Variants in ATCAY observed in about 807,000 individuals in gnomAD.
ATCAY encodes the protein caytaxin.
In ATCAY, 22 loss-of-function variants were observed where a neutral mutation model predicts 47.7. The ratio of observed to expected loss-of-function variants is 0.46; its 90% CI spans 0.33 to 0.66. The LOEUF (loss-of-function observed/expected upper bound fraction) is 0.66. Among genes scored for constraint, ATCAY ranks in the 30% least tolerant of loss-of-function variants. The probability of loss-of-function intolerance (pLI) is 0.02; values close to 1 mark genes in which losing one functional copy is unlikely to be tolerated. For synonymous variants in ATCAY, 216 were observed against 207.6 expected, an observed-to-expected ratio of 1.04 and a Z score of -0.35; for missense variants, 452 against 515.0, an observed-to-expected ratio of 0.88 and a Z score of 1.18.
chr19:3,922,062 T>G, intron 12 of ATCAY: 1 of 675,150 alleles, frequency 1.5e-6, no homozygotes, highest in Non-Finnish European at 2.7e-6. Context: ...CACAAAGTGC[T>G]GCCAACTAGA....
intron 12 of ATCAY, among the ~76,000 whole-genome samples, chr19:3,921,968 C>T (rs141330543): frequency 5.3e-5 from 8 of 152,100 alleles, no homozygotes; most frequent in African/African-American, 1.7e-4. Flanking sequence ...CAGGAGAGAT[C>T]GGGTGGAAGC....
chr19:3,885,046 T>C (rs1026951481), intron 1 of ATCAY, among the ~76,000 whole-genome samples: 9 of 142,208 alleles, frequency 6.3e-5, no homozygotes, highest in Admixed American at 3.1e-4. Context: ...AAGGCTGCCA[T>C]GAGCCATGAT....
At chr19:3,913,914 G>A in intron 9 of ATCAY, 58 bp downstream of exon 9, 1 of 1,487,894 alleles carries the variant, frequency 6.7e-7, no homozygotes. Flanking sequence ...TGCTGATAAA[G>A]ACACACCTGA....
Position 3,926,824 on chromosome 19 carries a change from G to A in ATCAY, c.*2232G>A, listed in dbSNP as rs958511472. Reference sequence around the variant, plus strand: ...CTGGGACATTTAGGGACATGGTAGGGTTTTAACATTTGTTTCCCAAATGTC... The same window carrying A: ...CTGGGACATTTAGGGACATGGTAGGATTTTAACATTTGTTTCCCAAATGTC... On this transcript the variant is annotated 3_prime_UTR_variant, in exon 13 of 13. Transcript: ENST00000450849. 6.6e-6 allele frequency: 1 copy of A among 152,192 alleles called. No individual in the cohort carries two copies. Among genetic ancestry groups the A allele is most frequent in the Non-Finnish European group, 1.5e-5 (1 of 68,034 alleles). The allele number at this position is 152,192 out of a possible 1,614,324, so 9.4% of individuals were successfully genotyped here.
intron 3 of ATCAY, 89 bp from the exon 4 acceptor site, chr19:3,905,345 G>A: frequency 7.5e-7 from 1 of 1,328,718 alleles, no homozygotes; most frequent in Non-Finnish European, 1.0e-6. Context: ...ATTCCTGCAT[G>A]ATGAAACAGC....
chr19:3,892,865 G>A (rs893618039), intron 2 of ATCAY, among the ~76,000 whole-genome samples: 1 of 151,974 alleles, frequency 6.6e-6, no homozygotes, highest in African/African-American at 2.4e-5. Context: ...CCCAGATTGT[G>A]CCGCCACACT....
intron 2 of ATCAY, among the ~76,000 whole-genome samples, chr19:3,900,829 C>T (rs755119503): frequency 9.2e-5 from 14 of 151,666 alleles, no homozygotes; most frequent in Non-Finnish European, 1.9e-4. Context: ...AGCTGCTGCG[C>T]CTGGCCCATC....
At chr19:3,909,453 G>T in intron 6 of ATCAY, 33 bp from the exon 7 acceptor site, 1 of 1,606,800 alleles carries the variant, frequency 6.2e-7, no homozygotes, top group Non-Finnish European at 8.5e-7. Context: ...ACCCCTCCAT[G>T]TTGGGTCCCT....
chr19:3,917,623 AG>A, intron 9 of ATCAY, 118 bp from the exon 10 acceptor site: 1 of 969,132 alleles, frequency 1.0e-6, no homozygotes. Flanking sequence ...AAGAAGAAGA[AG>A]AAGAAAAGAA....
intron 9 of ATCAY, 121 bp from the exon 10 acceptor site, chr19:3,917,620 AG>A: frequency 1.1e-6 from 1 of 903,430 alleles, no homozygotes; most frequent in Non-Finnish European, 1.7e-6. Flanking sequence ...AGGAAGAAGA[AG>A]AAGAAGAAAA....
chr19:3,900,551 T>C, intron 2 of ATCAY, among the ~76,000 whole-genome samples: 1 of 151,986 alleles, frequency 6.6e-6, no homozygotes, highest in East Asian at 1.9e-4. Context: ...TGTTTGTTTG[T>C]TTTGAGATGG....
chr19:3,918,740 C>G (rs555211420), intron 10 of ATCAY, 66 bp from the exon 11 acceptor site: 1 of 1,575,598 alleles, frequency 6.3e-7, no homozygotes, highest in East Asian at 2.2e-5. Context: ...CCAGTACTAG[C>G]TGAGAGCCCA....
In ATCAY at chr19:3,905,456, C is replaced by A; in HGVS notation, c.159C>A (p.Phe53Leu). ...CAGCTCCTCCCAACACGCTAAATTT[C>A]AACGGAGCGCATCGTAAGAGGAAGA... ...DTSSPPNTLN[F>L]NGAHRKRKTL... is the part of the protein sequence containing the mutation. Residue 53 changes from phenylalanine to leucine, a missense_variant, in exon 4 of 13, where the codon TTC becomes TTA. Transcript: ENST00000450849. The A allele has an allele frequency of 6.2e-7, 1 of 1,611,912 alleles. No homozygotes were observed. Among genetic ancestry groups the A allele is most frequent in the Non-Finnish European group, 8.5e-7 (1 of 1,178,838 alleles).
chr19:3,915,174 T>C (rs1162404130), intron 9 of ATCAY, among the ~76,000 whole-genome samples: 2 of 152,058 alleles, frequency 1.3e-5, no homozygotes, highest in Non-Finnish European at 2.9e-5. Context: ...TAATTTTATT[T>C]ATTTATTTAT....
intron 1 of ATCAY, among the ~76,000 whole-genome samples, 133 bp from the exon 2 acceptor site, chr19:3,885,575 GAAGGAGAGAGGAGAGGAGA>G (rs1196838009): frequency 1.5e-5 from 2 of 135,638 alleles, no homozygotes; most frequent in African/African-American, 5.3e-5. Context: ...AGAAGAAGGA[GAAGGAGAGAGGAGAGGAGA>G]AAGGAGAGAG....
chr19:3,907,410 C>T lies in ATCAY; in HGVS notation c.359-324C>T, dbSNP rs953368448. Among the ~76,000 whole-genome samples the T allele has an allele frequency of 4.6e-5, 7 of 152,060 alleles. No homozygotes were observed. The highest frequency in any genetic ancestry group is 7.4e-5 in the Non-Finnish European group (5 of 68,012). On this transcript the variant is annotated intron_variant, in intron 4 of 12. Transcript: ENST00000450849. This position sits in a 1 kb window ranked among gnomAD's most constrained non-coding sequence, Gnocchi z 5.1. ...GAGTAAAAACCAAGCATGCATGCCC[C>T]GAGTATCCTCGTGGTTTGATGAAGC... is the stretch of plus-strand genomic sequence containing the variant.
intron 11 of ATCAY, among the ~76,000 whole-genome samples, chr19:3,920,015 G>A (rs2039002517): frequency 6.6e-6 from 1 of 152,170 alleles, no homozygotes; most frequent in South Asian, 2.1e-4. Context: ...AGCAGTGTCG[G>A]TCCTCATAGG....
In ATCAY at chr19:3,924,689, C is replaced by A; in HGVS notation, c.*97C>A. The stretch of plus-strand genomic sequence containing the variant: ...GGCCCCAGATCTCATCCTGCCTCAT[C>A]CTGAGTCCCAATCTTCCAAGGGTGC... On this transcript the variant is annotated 3_prime_UTR_variant, in exon 13 of 13. Transcript: ENST00000450849. The A allele has an allele frequency of 7.3e-7, 1 of 1,370,770 alleles. No homozygotes were observed. Among genetic ancestry groups the A allele is most frequent in the Non-Finnish European group, 1.0e-6 (1 of 975,924 alleles). The allele number at this position is 1,370,770 out of a possible 1,614,324, so 84.9% of individuals were successfully genotyped here. A position where few individuals can be genotyped will look rare whatever the true frequency, so the allele number is the denominator to read the frequency against.
At chr19:3,882,959 T>A (rs2038614987) in intron 1 of ATCAY, among the ~76,000 whole-genome samples, 1 of 151,744 alleles carries the variant, frequency 6.6e-6, no homozygotes. Flanking sequence ...TTTTTGTATT[T>A]TTTTTTTGAG....
Sources: gnomAD v4.1 joint callset for allele counts (sites outside exome capture counted in the v4.1 genomes callset) on GRCh38, gnomAD v4.1.1 for gene constraint, Gnocchi (gnomAD v3.1) non-coding constraint, MANE v1.5 for transcripts, NCBI Gene and HGNC (gene_info 2026-07-23, HGNC 2026-07-21) for gene names.